PSMF1: variants seen among roughly 807,000 people sequenced by gnomAD.
PSMF1 encodes the protein proteasome inhibitor subunit 1.
A neutral mutation model predicts 29.3 loss-of-function variants in PSMF1; 30 were observed. The observed-to-expected ratio is 1.02, with a 90% CI of 0.77 to 1.39. The LOEUF (loss-of-function observed/expected upper bound fraction) is 1.39. PSMF1 is among the 40% of genes most tolerant of loss of function. The probability of loss-of-function intolerance (pLI) is 0.00; values close to 1 mark genes in which losing one functional copy is unlikely to be tolerated. For synonymous variants in PSMF1, 134 were observed against 139.7 expected (o/e 0.96, Z 0.29); for missense variants, 344 against 357.5 (o/e 0.96, Z 0.31).
chr20:1,120,522 A>G (rs940680712), intron 1 of PSMF1, among the ~76,000 whole-genome samples: 6 of 152,102 alleles, frequency 3.9e-5, no homozygotes, highest in African/African-American at 1.2e-4. Flanking sequence ...CCCTCTTTCA[A>G]TGCATAGTTC....
At chr20:1,124,792 G>A (rs2086133480) in intron 1 of PSMF1, among the ~76,000 whole-genome samples, 1 of 152,238 alleles carries the variant, frequency 6.6e-6, no homozygotes, top group Admixed American at 6.5e-5. Context: ...AAGTGATGCT[G>A]TGTATTTAAA....
At chr20:1,118,995 C>T in intron 1 of PSMF1, 93 bp downstream of exon 1, 4 of 1,494,436 alleles carry the variant, frequency 2.7e-6, no homozygotes, top group Admixed American at 3.7e-5. Context: ...CCGATTTCCC[C>T]GCTTCTCCCA....
At chr20:1,158,851 T>C (rs1430595340) in intron 4 of PSMF1, among the ~76,000 whole-genome samples, 1 of 152,168 alleles carries the variant, frequency 6.6e-6, no homozygotes, top group Non-Finnish European at 1.5e-5. Flanking sequence ...GGGGGCTATC[T>C]AGAGAAGGAC....
intron 2 of PSMF1, 108 bp downstream of exon 2, chr20:1,125,758 T>C: frequency 1.4e-6 from 2 of 1,386,054 alleles, no homozygotes; most frequent in Non-Finnish European, 2.0e-6. Flanking sequence ...ATGTAGCCCT[T>C]ACCTAGTGAT....
intron 3 of PSMF1, chr20:1,134,821 A>G (rs1280079614): frequency 2.2e-6 from 1 of 452,854 alleles, no homozygotes. Flanking sequence ...GGGTGAGGAC[A>G]GAGGAGTAGC....
intron 4 of PSMF1, among the ~76,000 whole-genome samples, chr20:1,137,862 A>G (rs1177903662): frequency 2.0e-5 from 3 of 152,216 alleles, no homozygotes; most frequent in African/African-American, 7.2e-5. Flanking sequence ...ACATTGAAGT[A>G]TTTAAAGGTG....
chr20:1,123,551 A>G (rs2086117267), intron 1 of PSMF1, among the ~76,000 whole-genome samples: 2 of 152,296 alleles, frequency 1.3e-5, no homozygotes, highest in Middle Eastern at 3.4e-3. Flanking sequence ...TCTTTTATAT[A>G]TAATACTATC....
intron 4 of PSMF1, among the ~76,000 whole-genome samples, chr20:1,141,345 T>TA (rs1055444106): frequency 3.9e-5 from 6 of 152,332 alleles, no homozygotes; most frequent in African/African-American, 7.2e-5. Flanking sequence ...AATAAAGCTA[T>TA]AAAAAATGGG....
chr20:1,120,504 C>T (rs2086073144), intron 1 of PSMF1, among the ~76,000 whole-genome samples: 1 of 152,176 alleles, frequency 6.6e-6, no homozygotes, highest in South Asian at 2.1e-4. Context: ...CCCATTTCAG[C>T]GTCAGGCCCC....
chr20:1,150,378 G>A (rs931547134), intron 4 of PSMF1, among the ~76,000 whole-genome samples: 1 of 152,106 alleles, frequency 6.6e-6, no homozygotes, highest in South Asian at 2.1e-4. Flanking sequence ...GCTGCTTTGA[G>A]TCATACTATG....
chr20:1,138,996 T>G (rs1199348677), intron 4 of PSMF1, among the ~76,000 whole-genome samples: 1 of 152,094 alleles, frequency 6.6e-6, no homozygotes, highest in Non-Finnish European at 1.5e-5. Context: ...GCCAACATGG[T>G]GAAACCCTGT....
chr20:1,149,308 A>G (rs1273298295), intron 4 of PSMF1, among the ~76,000 whole-genome samples: 1 of 152,248 alleles, frequency 6.6e-6, no homozygotes, highest in Non-Finnish European at 1.5e-5. Context: ...AACTTGTTAT[A>G]TATCTGTTAC....
rs192109494 is a variant in PSMF1 at position 1,127,635 on chromosome 20, C to T, written c.365+127C>T. On this transcript the variant is annotated intron_variant, in intron 3 of 6. Coordinates refer to ENST00000335877, the MANE Select transcript of PSMF1 (RefSeq NM_006814.5). ...TGGAAGAACCTTTTATTTCTGGGCA[C>T]AACTTCCTAATTTTCTTTTCTGTTT... 5.5e-4 allele frequency: 413 copies of T among 751,030 alleles called. 2 individuals are homozygous for T. In the African/African-American group the frequency reaches 5.8e-3, roughly 11 times the overall value. 46.5% of individuals were successfully genotyped at this position (751,030 alleles called of 1,614,324 possible).
At position 1,169,082 on chromosome 20, in the gene PSMF1, G is replaced by A. The variant is rs797010849; in HGVS notation, c.*4002G>A. On this transcript the variant is annotated 3_prime_UTR_variant, in exon 7 of 7. Coordinates refer to ENST00000335877, the MANE Select transcript of PSMF1 (RefSeq NM_006814.5). ...ATTGTAGCAATGATGATGTGATCCT[G>A]CTGCTCTCTGGACCGTAACCTTTTT... 5.8e-4 allele frequency among the ~76,000 whole-genome samples: 89 copies of A among 152,286 alleles called. No individual in the cohort carries two copies. The highest frequency in any genetic ancestry group is 2.1e-3 in the African/African-American group (86 of 41,558).
intron 4 of PSMF1, among the ~76,000 whole-genome samples, chr20:1,140,671 C>A (rs933358132): frequency 6.6e-6 from 1 of 152,008 alleles, no homozygotes; most frequent in African/African-American, 2.4e-5. Flanking sequence ...AAAGATAACC[C>A]AAAGAATGGG....
In PSMF1 at chr20:1,118,798, G is replaced by A. The variant is rs778788060; in HGVS notation, c.25G>A (p.Ala9Thr). The A allele has an allele frequency of 8.7e-6, 14 of 1,612,786 alleles. No homozygotes were observed. The highest frequency in any genetic ancestry group is 1.2e-5 in the Non-Finnish European group (14 of 1,179,478). ...CATGGCGGGCCTGGAGGTACTGTTC[G>A]CATCGGCAGCGCCGGCCATCACCTG... MAGLEVLF[A>T]SAAPAITCRQ... Residue 9 changes from alanine to threonine, a missense_variant, in exon 1 of 7, where the codon GCA becomes ACA. Physicochemically the swap from Ala to Thr is moderately conservative, Grantham distance 58 (BLOSUM62 0). Transcript: ENST00000335877.
intron 4 of PSMF1, among the ~76,000 whole-genome samples, chr20:1,146,223 C>G (rs548540339): frequency 5.3e-5 from 8 of 152,022 alleles, no homozygotes; most frequent in Admixed American, 2.0e-4. Context: ...TGTGTCTTCA[C>G]CGGAAAGGGA....
At position 1,133,571 on chromosome 20, in the gene PSMF1, T is replaced by TA. The variant is rs1568469077; in HGVS notation, c.366-1550_366-1549insA. On this transcript the variant is annotated intron_variant, in intron 3 of 6. Coordinates refer to ENST00000335877, the MANE Select transcript of PSMF1 (RefSeq NM_006814.5). ...TATATATGTGTATATATATATATAT[T>TA]TTTTTTTTTTTTTTGGTGTAGTCTT... Among the ~76,000 whole-genome samples the TA allele has an allele frequency of 8.8e-3, 390 of 44,108 alleles. 4 individuals are homozygous for TA. The highest frequency in any genetic ancestry group is 0.026 in the African/African-American group (314 of 12,136). The allele number at this position is 44,108 out of a possible 152,430, so 28.9% of individuals were successfully genotyped here. A position where few individuals can be genotyped will look rare whatever the true frequency, so the allele number is the denominator to read the frequency against.
intron 3 of PSMF1, among the ~76,000 whole-genome samples, chr20:1,133,900 AGTT>A (rs1296080584): frequency 1.3e-5 from 2 of 151,804 alleles, no homozygotes; most frequent in African/African-American, 4.8e-5. Context: ...TGTTGGATTA[AGTT>A]GTTCTTAGTA....
Sources: allele counts gnomAD v4.1 joint callset (sites outside exome capture counted in the v4.1 genomes callset), GRCh38; gene constraint gnomAD v4.1.1; transcripts MANE v1.5; gene names NCBI Gene and HGNC (gene_info 2026-07-23, HGNC 2026-07-21).